The following ULK4 variants were observed in gnomAD, a reference collection of about 807,000 sequenced individuals.
ULK4 encodes the protein unc-51 like kinase 4.
In ULK4, 133 loss-of-function variants were observed where a neutral mutation model predicts 160.6. The observed-to-expected ratio is 0.83, with a 90% CI of 0.72 to 0.96. The LOEUF is 0.96. Among genes scored for constraint, ULK4 ranks in the 40% least tolerant of loss-of-function variants. ULK4 has a pLI of 0.00. For missense variants in ULK4, 1,580 were observed against 1,499.5 expected, an observed-to-expected ratio of 1.05 and a Z score of -0.89; for synonymous variants, 534 against 539.8, an observed-to-expected ratio of 0.99 and a Z score of 0.15.
chr3:41,444,863 T>C (rs1283391128), intron 34 of ULK4, among the ~76,000 whole-genome samples: 1 of 152,048 alleles, frequency 6.6e-6, no homozygotes, highest in Non-Finnish European at 1.5e-5. Flanking sequence ...GTGTTGGAAG[T>C]TCTGGCCAGG....
Position 41,948,977 on chromosome 3 carries a change from ACT to A in ULK4, c.138+5643_138+5644del, listed in dbSNP as rs528972410. On this transcript the variant is annotated intron_variant, in intron 2 of 36. Coordinates refer to ENST00000301831, the MANE Select transcript of ULK4 (RefSeq NM_017886.4). ...ATTGGAAAGGAAAAAAGTAAAATTA[ACT>A]CTGTTTGCAAATGATGTGATTGATT... is the stretch of plus-strand genomic sequence containing the variant. Among the ~76,000 whole-genome samples the A allele has an allele frequency of 4.0e-3, 607 of 152,034 alleles. 3 individuals carry two copies. Among genetic ancestry groups the A allele is most frequent in the African/African-American group, 0.014 (575 of 41,476 alleles).
At chr3:41,531,532 A>AG (rs1288378261) in intron 32 of ULK4, among the ~76,000 whole-genome samples, 1 of 148,988 alleles carries the variant, frequency 6.7e-6, no homozygotes, top group Non-Finnish European at 1.5e-5. Flanking sequence ...AAGAAAAAAA[A>AG]AAGAAATAAA....
In ULK4 at chr3:41,909,605, C is replaced by T. The variant is rs545425019; in HGVS notation, c.1086-1664G>A. 1.7e-4 allele frequency among the ~76,000 whole-genome samples: 26 copies of T among 151,988 alleles called. No individual in the cohort carries two copies. In the East Asian group the frequency reaches 4.9e-3, roughly 28 times the overall value. ...TGGCACAGGCCTGTAATCCCAACCA[C>T]TTGGGAGGCTGAGACATGAGAATCG... On this transcript the variant is annotated intron_variant, in intron 11 of 36. Coordinates refer to ENST00000301831, the MANE Select transcript of ULK4 (RefSeq NM_017886.4).
At chr3:41,845,873 C>T (rs927653498) in intron 17 of ULK4, among the ~76,000 whole-genome samples, 1 of 152,156 alleles carries the variant, frequency 6.6e-6, no homozygotes, top group Non-Finnish European at 1.5e-5. Context: ...AAACTGTCAA[C>T]CTCATATTAA....
chr3:41,574,940 C>T (rs938330598), intron 31 of ULK4, among the ~76,000 whole-genome samples: 5 of 151,880 alleles, frequency 3.3e-5, no homozygotes, highest in Non-Finnish European at 7.4e-5. Flanking sequence ...CACTGGTTCA[C>T]GTAGGCCCAA....
chr3:41,821,414 T>TAA (rs1215319538), intron 18 of ULK4, among the ~76,000 whole-genome samples: 1 of 152,128 alleles, frequency 6.6e-6, no homozygotes, highest in African/African-American at 2.4e-5. Flanking sequence ...TCCCACCACT[T>TAA]CACCTACTCT....
chr3:41,320,648 G>A (rs553751336), intron 35 of ULK4, among the ~76,000 whole-genome samples: 8 of 148,008 alleles, frequency 5.4e-5, no homozygotes, highest in Admixed American at 1.4e-4. Flanking sequence ...TGGGTGCAGC[G>A]GCTCATGCCT....
chr3:41,384,981 T>G (rs552216124), intron 35 of ULK4, among the ~76,000 whole-genome samples: 28 of 152,224 alleles, frequency 1.8e-4, no homozygotes, highest in African/African-American at 6.7e-4. Flanking sequence ...ATTGAATCCC[T>G]GAGGTCAAGG....
chr3:41,524,198 G>T (rs1006908715), intron 32 of ULK4, among the ~76,000 whole-genome samples: 1 of 152,178 alleles, frequency 6.6e-6, no homozygotes, highest in Non-Finnish European at 1.5e-5. Context: ...AATTTATTGT[G>T]TCATGAATAC....
intron 34 of ULK4, among the ~76,000 whole-genome samples, chr3:41,436,594 G>T (rs1383662466): frequency 6.6e-6 from 1 of 152,162 alleles, no homozygotes; most frequent in African/African-American, 2.4e-5. Context: ...AAATGAACAG[G>T]ATGAAAAAGG....
At chr3:41,804,175 A>G (rs1270334171) in intron 19 of ULK4, among the ~76,000 whole-genome samples, 1 of 151,716 alleles carries the variant, frequency 6.6e-6, no homozygotes, top group Admixed American at 6.6e-5. Flanking sequence ...AATGATTGCC[A>G]TTCTAACTGG....
intron 30 of ULK4, among the ~76,000 whole-genome samples, chr3:41,616,596 C>A (rs1024294752): frequency 6.6e-6 from 1 of 152,182 alleles, no homozygotes; most frequent in Admixed American, 6.5e-5. Context: ...TGCTACCCGG[C>A]CTGGTTACTA....
intron 35 of ULK4, among the ~76,000 whole-genome samples, chr3:41,382,476 A>G (rs952995322): frequency 3.3e-5 from 5 of 152,230 alleles, no homozygotes; most frequent in African/African-American, 1.2e-4. Context: ...TTAAATCCCA[A>G]TGAAACCTGT....
At chr3:41,570,170 C>G (rs2125610310) in intron 31 of ULK4, among the ~76,000 whole-genome samples, 1 of 152,312 alleles carries the variant, frequency 6.6e-6, no homozygotes, top group East Asian at 1.9e-4. Flanking sequence ...CTGATGAGAG[C>G]CACTTGATTT....
intron 23 of ULK4, among the ~76,000 whole-genome samples, chr3:41,716,421 A>G (rs751845172): frequency 6.6e-6 from 1 of 152,128 alleles, no homozygotes; most frequent in African/African-American, 2.4e-5. Context: ...CTAAAACAGG[A>G]TAAGTCCGGT....
At chr3:41,528,360 G>A (rs1309792776) in intron 32 of ULK4, among the ~76,000 whole-genome samples, 7 of 152,002 alleles carry the variant, frequency 4.6e-5, no homozygotes, top group African/African-American at 2.4e-5. Flanking sequence ...TTATATACTT[G>A]AATTCATCAA....
intron 22 of ULK4, among the ~76,000 whole-genome samples, chr3:41,746,605 C>A (rs2038432374): frequency 6.6e-6 from 1 of 151,490 alleles, no homozygotes; most frequent in South Asian, 2.1e-4. Context: ...GCAAGCCCAG[C>A]AAGGTTTTGG....
chr3:41,643,787 T>G (rs940112761), intron 30 of ULK4, among the ~76,000 whole-genome samples: 6 of 152,318 alleles, frequency 3.9e-5, no homozygotes, highest in East Asian at 3.9e-4. Context: ...TTGGGCAGTA[T>G]GGCCATTTTC....
chr3:41,575,596 T>C (rs1038174881), intron 31 of ULK4, among the ~76,000 whole-genome samples: 1 of 152,240 alleles, frequency 6.6e-6, no homozygotes, highest in Non-Finnish European at 1.5e-5. Context: ...CTTAAAATTA[T>C]TTTTAAATTT....
Sources: allele counts gnomAD v4.1 joint callset (sites outside exome capture counted in the v4.1 genomes callset), GRCh38; gene constraint gnomAD v4.1.1; transcripts MANE v1.5; gene names NCBI Gene and HGNC (gene_info 2026-07-23, HGNC 2026-07-21).